GNG4: variants seen among roughly 807,000 people sequenced by gnomAD.
GNG4 encodes the protein guanine nucleotide-binding protein G(I)/G(S)/G(O) subunit gamma-4.
GNG4 carries 4 observed loss-of-function variants against 5.8 expected under a neutral mutation model. That is an observed-to-expected ratio of 0.69 (90% CI 0.34 to 1.57). The LOEUF (loss-of-function observed/expected upper bound fraction) is 1.57, where lower values mean the gene tolerates loss of function less well. GNG4 is among the 40% of genes most tolerant of loss of function. GNG4 has a pLI of 0.06. For missense variants in GNG4, 96 were observed against 95.1 expected, an observed-to-expected ratio of 1.01 and a Z score of -0.04; for synonymous variants, 29 against 32.9, an observed-to-expected ratio of 0.88 and a Z score of 0.41.
chr1:235,593,382 T>C (rs969786395), intron 2 of GNG4, among the ~76,000 whole-genome samples: 3 of 152,200 alleles, frequency 2.0e-5, no homozygotes, highest in Admixed American at 1.3e-4. Flanking sequence ...GCACAGTACT[T>C]AGAATTTCTG....
At chr1:235,600,442 A>G (rs7411181) in intron 1 of GNG4, among the ~76,000 whole-genome samples, 24 of 76,368 alleles carry the variant, frequency 3.1e-4, no homozygotes, top group Middle Eastern at 0.019. Context: ...GTGTGTGTAT[A>G]TGTGTGTGTG....
At chr1:235,591,268 A>G (rs760926536) in intron 2 of GNG4, among the ~76,000 whole-genome samples, 1 of 152,168 alleles carries the variant, frequency 6.6e-6, no homozygotes, top group Non-Finnish European at 1.5e-5. Context: ...CATCCCCCAC[A>G]CTTGGTCTGT....
intron 2 of GNG4, 28 bp downstream of exon 2, chr1:235,595,372 C>T (rs982394626): frequency 6.6e-6 from 1 of 152,312 alleles, no homozygotes; most frequent in African/African-American, 2.4e-5. Flanking sequence ...TCCTCCTGCC[C>T]CTACACAGGG....
At chr1:235,602,634 T>G (rs1301207162) in intron 1 of GNG4, among the ~76,000 whole-genome samples, 41 of 152,150 alleles carry the variant, frequency 2.7e-4, no homozygotes, top group Admixed American at 2.7e-3. Flanking sequence ...AAGTACTCAT[T>G]TAAGAGCTTG....
At chr1:235,592,534 T>A (rs1233843865) in intron 2 of GNG4, among the ~76,000 whole-genome samples, 3 of 152,014 alleles carry the variant, frequency 2.0e-5, no homozygotes, top group African/African-American at 7.2e-5. Flanking sequence ...AATTTCTTCC[T>A]GAGGGTCCTG....
At chr1:235,616,256 C>T (rs1688586870) in intron 1 of GNG4, 1 of 494,604 alleles carries the variant, frequency 2.0e-6, no homozygotes, top group Admixed American at 2.1e-5. Context: ...TGATATGTTC[C>T]CTGAGACGAA....
chr1:235,567,764 T>A (rs1687235214), intron 3 of GNG4, among the ~76,000 whole-genome samples: 1 of 152,220 alleles, frequency 6.6e-6, no homozygotes, highest in Non-Finnish European at 1.5e-5. Flanking sequence ...TAAACTGCTA[T>A]TAATATGGAT....
At chr1:235,594,979 C>T (rs1688086735) in intron 2 of GNG4, among the ~76,000 whole-genome samples, 1 of 152,212 alleles carries the variant, frequency 6.6e-6, no homozygotes, top group African/African-American at 2.4e-5. Context: ...GACCCAGCAG[C>T]TTAAACTGCG....
intron 1 of GNG4, among the ~76,000 whole-genome samples, chr1:235,629,262 A>G (rs185931389): frequency 8.9e-4 from 135 of 151,734 alleles, no homozygotes; most frequent in African/African-American, 3.1e-3. Flanking sequence ...CCATCCTCCC[A>G]CCTTGGCCTC....
chr1:235,556,577 A>G (rs1420818107), intron 3 of GNG4, among the ~76,000 whole-genome samples: 3 of 144,754 alleles, frequency 2.1e-5, no homozygotes, highest in African/African-American at 5.3e-5. Context: ...AAAAAAAAAA[A>G]AGAGACAGCC....
intron 1 of GNG4, among the ~76,000 whole-genome samples, chr1:235,599,442 G>A (rs1432596353): frequency 1.3e-5 from 2 of 151,360 alleles, no homozygotes; most frequent in Admixed American, 6.6e-5. Context: ...TCAGCCTCCC[G>A]AGTAGCTGGG....
intron 1 of GNG4, among the ~76,000 whole-genome samples, chr1:235,605,951 A>AGT (rs1391610563): frequency 6.8e-4 from 62 of 91,684 alleles, no homozygotes; most frequent in African/African-American, 2.4e-3. Flanking sequence ...TTTGATTGAG[A>AGT]GTGTGGGGGG....
chr1:235,588,012 G>A (rs1247091214), intron 2 of GNG4, among the ~76,000 whole-genome samples: 2 of 151,768 alleles, frequency 1.3e-5, no homozygotes, highest in African/African-American at 2.4e-5. Context: ...CAGCAGAGCC[G>A]ACTCTCAGTC....
At chr1:235,593,436 A>G (rs1475098064) in intron 2 of GNG4, among the ~76,000 whole-genome samples, 1 of 152,208 alleles carries the variant, frequency 6.6e-6, no homozygotes, top group Non-Finnish European at 1.5e-5. Flanking sequence ...CTCCCCAACT[A>G]CGACTTCTGT....
At chr1:235,621,803 A>C (rs1394556559) in intron 1 of GNG4, among the ~76,000 whole-genome samples, 2 of 151,974 alleles carry the variant, frequency 1.3e-5, no homozygotes, top group African/African-American at 4.8e-5. Flanking sequence ...CAGCCTCCTG[A>C]ATAGCTGGGA....
chr1:235,604,411 C>A (rs1423778092), intron 1 of GNG4, among the ~76,000 whole-genome samples: 1 of 152,216 alleles, frequency 6.6e-6, no homozygotes, highest in Non-Finnish European at 1.5e-5. Flanking sequence ...TTCTAAGCAA[C>A]AAAAATTTAT....
intron 3 of GNG4, among the ~76,000 whole-genome samples, chr1:235,561,012 CTTTTCTT>C (rs1218024913): frequency 3.3e-5 from 5 of 151,912 alleles, no homozygotes; most frequent in Non-Finnish European, 5.9e-5. Context: ...AAATTTTGCC[CTTTTCTT>C]TTTTCTTTTG....
At position 235,547,960 on chromosome 1, in the gene GNG4, T is replaced by C. The variant is rs1686623897; in HGVS notation, c.*4149A>G. 6.6e-6 allele frequency: 1 copy of C among 152,240 alleles called. No individual in the cohort carries two copies. Among genetic ancestry groups the C allele is most frequent in the Admixed American group, 6.5e-5 (1 of 15,290 alleles). The allele number at this position is 152,240 out of a possible 1,614,324, so 9.4% of individuals were successfully genotyped here. The stretch of plus-strand genomic sequence containing the variant: ...AATCCTATGGTGCATTTTTGCCTTA[T>C]CTCGTTCAACACTAGGGTTGGTGAA... On this transcript the variant is annotated 3_prime_UTR_variant, in exon 4 of 4. Transcript: ENST00000391854.
intron 3 of GNG4, among the ~76,000 whole-genome samples, chr1:235,556,474 C>T (rs1405348054): frequency 2.7e-5 from 4 of 148,122 alleles, no homozygotes; most frequent in Non-Finnish European, 5.9e-5. Flanking sequence ...AGGAGAATTG[C>T]TTGAACCAGG....
Sources: allele counts gnomAD v4.1 joint callset (sites outside exome capture counted in the v4.1 genomes callset), GRCh38; gene constraint gnomAD v4.1.1; transcripts MANE v1.5; gene names NCBI Gene and HGNC (gene_info 2026-07-23, HGNC 2026-07-21).